PTPN21: variants seen among roughly 807,000 people sequenced by gnomAD.
PTPN21 encodes tyrosine-protein phosphatase non-receptor type 21.
PTPN21 carries 77 observed loss-of-function variants against 131.8 expected under a neutral mutation model. The observed-to-expected ratio is 0.58, with a 90% CI of 0.49 to 0.71. The LOEUF is 0.71. Among genes scored for constraint, PTPN21 ranks in the 30% least tolerant of loss-of-function variants. The pLI is 0.00. For missense variants in PTPN21, 1,552 were observed against 1,527.1 expected (o/e 1.02, Z -0.27); for synonymous variants, 715 against 621.3 (o/e 1.15, Z -2.24).
intron 15 of PTPN21, among the ~76,000 whole-genome samples, chr14:88,471,938 G>A (rs114523423): frequency 3.7e-4 from 56 of 150,668 alleles, no homozygotes; most frequent in South Asian, 8.4e-4. Flanking sequence ...AAAAAAAGCC[G>A]GGCAAATAAG....
chr14:88,520,792 A>G (rs2078377712), intron 2 of PTPN21, among the ~76,000 whole-genome samples: 1 of 152,184 alleles, frequency 6.6e-6, no homozygotes, highest in South Asian at 2.1e-4. Context: ...CAATCCTGTC[A>G]TGAGGATTGG....
Position 88,468,028 on chromosome 14 carries a change from G to T in PTPN21, c.*109C>A. On this transcript the variant is annotated 3_prime_UTR_variant, in exon 19 of 19. Transcript: ENST00000556564. Reference sequence around the variant, plus strand: ...CAGACTGCGCCACTTACGTCCCAGTGCCACGCTGCGTGGATCAAGTGTCAA... The same window carrying T: ...CAGACTGCGCCACTTACGTCCCAGTTCCACGCTGCGTGGATCAAGTGTCAA... The T allele has an allele frequency of 1.5e-6, 2 of 1,368,146 alleles. No homozygotes were observed. The highest frequency in any genetic ancestry group is 2.1e-6 in the Non-Finnish European group (2 of 972,830). The allele number at this position is 1,368,146 out of a possible 1,614,324, so 84.8% of individuals were successfully genotyped here.
At chr14:88,501,402 G>A in intron 6 of PTPN21, 34 bp from the exon 7 acceptor site, 32 of 1,557,020 alleles carry the variant, frequency 2.1e-5, no homozygotes, top group Non-Finnish European at 2.8e-5. Context: ...TGTTCACAAA[G>A]CAAGCTTAAA....
intron 2 of PTPN21, among the ~76,000 whole-genome samples, chr14:88,521,782 A>G (rs1369277883): frequency 1.3e-5 from 2 of 152,046 alleles, no homozygotes; most frequent in Non-Finnish European, 2.9e-5. Flanking sequence ...TTCCCCTTTA[A>G]ATACAGTTGG....
At chr14:88,503,015 T>C (rs1356497939) in intron 6 of PTPN21, among the ~76,000 whole-genome samples, 2 of 151,944 alleles carry the variant, frequency 1.3e-5, no homozygotes, top group African/African-American at 2.4e-5. Context: ...GCTTTCAATT[T>C]CCACCTCTAC....
In PTPN21 at chr14:88,466,397, C is replaced by T. The variant is rs963678009; in HGVS notation, c.*1740G>A. On this transcript the variant is annotated 3_prime_UTR_variant, in exon 19 of 19. Coordinates refer to ENST00000556564, the MANE Select transcript of PTPN21 (RefSeq NM_007039.4). The stretch of plus-strand genomic sequence containing the variant: ...GGTTTCTGGGTAAGGCAGAGTTAGG[C>T]TGGTGCACACACTATTTAGGAAGTC... 1 of 152,088 alleles carries T rather than the reference C, an allele frequency of 6.6e-6. No individual in the cohort carries two copies. Among genetic ancestry groups the T allele is most frequent in the African/African-American group, 2.4e-5 (1 of 41,408 alleles). 9.4% of individuals were successfully genotyped at this position (152,088 alleles called of 1,614,324 possible).
chr14:88,513,706 G>A (rs2078219380), intron 3 of PTPN21: 1 of 152,230 alleles, frequency 6.6e-6, no homozygotes, highest in Non-Finnish European at 1.5e-5. Context: ...TCCAAACTGA[G>A]AAAATACATC....
chr14:88,542,199 T>C (rs1286126914), intron 2 of PTPN21, among the ~76,000 whole-genome samples: 1 of 152,186 alleles, frequency 6.6e-6, no homozygotes, highest in Non-Finnish European at 1.5e-5. Context: ...GCCTAACTCA[T>C]TGTGAAGATT....
In PTPN21 at chr14:88,479,503, A is replaced by G. The variant is rs1220669684; in HGVS notation, c.1928T>C (p.Leu643Pro). 5.0e-6 allele frequency: 8 copies of G among 1,600,956 alleles called. 1 individual carries two copies. The South Asian group carries it at 5.5e-5, about 11-fold the overall frequency. The stretch of plus-strand genomic sequence containing the variant: ...CCGCAGGCCCTCCAGGCCGTGGCTG[A>G]GCCCGGCCACCTCGATGCTGTTCCG... ...HKRNSIEVAG[L>P]SHGLEGLRLK... Residue 643 changes from leucine (L) to proline (P), a missense_variant, in exon 13 of 19, where the codon CTC (leucine) becomes CCC (proline). This residue lies in a region of PTPN21 where 1,016 missense variants were observed against 883.5 expected (regional missense o/e 1.15). Transcript: ENST00000556564.
At chr14:88,496,559 G>A (rs976970106) in intron 9 of PTPN21, 67 bp from the exon 10 acceptor site, 4 of 1,243,378 alleles carry the variant, frequency 3.2e-6, no homozygotes, top group Admixed American at 1.7e-5. Context: ...TTAATGCAGA[G>A]TTTGTCTAAA....
chr14:88,545,281 G>C (rs2078760158), intron 2 of PTPN21, among the ~76,000 whole-genome samples: 1 of 152,132 alleles, frequency 6.6e-6, no homozygotes, highest in Non-Finnish European at 1.5e-5. Flanking sequence ...GGGACCCTTG[G>C]CAGTTCCTTA....
intron 9 of PTPN21, 31 bp from the exon 10 acceptor site, chr14:88,496,523 G>A: frequency 6.6e-7 from 1 of 1,506,964 alleles, no homozygotes. Context: ...AAAGCAATAT[G>A]AAAGCACACA....
chr14:88,478,947 GT>G lies in PTPN21; in HGVS notation c.2483del (p.Asn828ThrfsTer9), dbSNP rs1472421397. The G allele has an allele frequency of 6.6e-7, 1 of 1,518,378 alleles. No individual in the cohort carries two copies. The highest frequency in any genetic ancestry group is 8.8e-7 in the Non-Finnish European group (1 of 1,134,088). 94.1% of individuals were successfully genotyped at this position (1,518,378 alleles called of 1,614,324 possible). On this transcript the variant is annotated frameshift_variant, in exon 13 of 19. Transcript: ENST00000556564. LOFTEE classifies it high-confidence loss of function. ...CTAGAGGCGGGAGCCCTTCCACGAT[GT>G]TCTTCTTCCCAGAGAGAAGGTCCGA... ...PVSDLLSGKK[N>X]IVEGLPPLGG...
At chr14:88,551,950 C>T (rs1343836311) in intron 1 of PTPN21, 1 of 152,244 alleles carries the variant, frequency 6.6e-6, no homozygotes, top group African/African-American at 2.4e-5. Flanking sequence ...TACAAAATCC[C>T]GGACATTTCC....
chr14:88,520,572 T>C (rs758656799), intron 2 of PTPN21, among the ~76,000 whole-genome samples: 1 of 152,192 alleles, frequency 6.6e-6, no homozygotes, highest in Non-Finnish European at 1.5e-5. Flanking sequence ...AGAATATGTA[T>C]CATACATTTA....
intron 10 of PTPN21, among the ~76,000 whole-genome samples, 163 bp from the exon 11 acceptor site, chr14:88,486,005 C>T (rs1476726760): frequency 6.6e-6 from 1 of 152,166 alleles, no homozygotes; most frequent in African/African-American, 2.4e-5. Flanking sequence ...CTCTGTCGGC[C>T]CGTGGGGCCT....
chr14:88,506,245 T>TG lies in PTPN21; in HGVS notation c.449-875dup, dbSNP rs1305052470. Among the ~76,000 whole-genome samples the TG allele has an allele frequency of 6.6e-5, 10 of 152,044 alleles. No homozygotes were observed. In the East Asian group the frequency reaches 1.9e-3, roughly 29 times the overall value. Reference sequence around the variant, plus strand: ...GTCACAGCTACTTGGGAGGCTCAGGTGGGAGGATCACTTGAGCACAGTAGG... The same window carrying TG: ...GTCACAGCTACTTGGGAGGCTCAGGTGGGGAGGATCACTTGAGCACAGTAGG... On this transcript the variant is annotated intron_variant, in intron 4 of 18. Coordinates refer to ENST00000556564, the MANE Select transcript of PTPN21 (RefSeq NM_007039.4).
At chr14:88,512,105 C>G (rs956485454) in intron 3 of PTPN21, among the ~76,000 whole-genome samples, 6 of 152,088 alleles carry the variant, frequency 3.9e-5, no homozygotes, top group African/African-American at 1.4e-4. Context: ...TATCATGGTG[C>G]CTCACCCATC....
At chr14:88,483,212 CAA>C (rs10586298) in intron 12 of PTPN21, among the ~76,000 whole-genome samples, 7,847 of 95,476 alleles carry the variant, frequency 0.082, 254 homozygotes, top group African/African-American at 0.14. Context: ...ACTCCGTCTC[CAA>C]AAAAAAAAAA....
Sources: allele counts gnomAD v4.1 joint callset (sites outside exome capture counted in the v4.1 genomes callset), GRCh38; gene constraint gnomAD v4.1.1; regional missense constraint gnomAD v4.1.1; transcripts MANE v1.5; gene names NCBI Gene and HGNC (gene_info 2026-07-23, HGNC 2026-07-21).